NLGN1: variants seen among roughly 807,000 people sequenced by gnomAD.
NLGN1 encodes the protein neuroligin 1.
NLGN1 carries 12 observed loss-of-function variants against 65.5 expected under a neutral mutation model. The observed-to-expected ratio is 0.18, with a 90% CI of 0.12 to 0.30. NLGN1 has a LOEUF of 0.30. Ranked by LOEUF, NLGN1 falls within the 10% of genes least tolerant of loss-of-function variation. NLGN1 has a pLI of 1.00. For missense variants in NLGN1, 750 were observed against 1,007.1 expected (o/e 0.74, Z 3.46); for synonymous variants, 350 against 359.5 (o/e 0.97, Z 0.30).
chr3:173,638,180 G>A (rs73174601), intron 3 of NLGN1, among the ~76,000 whole-genome samples: 15,184 of 151,046 alleles, frequency 0.1, 787 homozygotes, highest in Middle Eastern at 0.25. Context: ...ATAGGGGAAT[G>A]CATTTGTTAG....
At chr3:174,206,283 G>T (rs1269692505) in intron 4 of NLGN1, among the ~76,000 whole-genome samples, 8 of 152,114 alleles carry the variant, frequency 5.3e-5, no homozygotes, top group African/African-American at 1.9e-4. Context: ...TCCTCTGCAT[G>T]CAGTGACAGG....
chr3:173,879,632 C>CTG (rs200099305), intron 4 of NLGN1, among the ~76,000 whole-genome samples: 1 of 144,352 alleles, frequency 6.9e-6, no homozygotes, highest in East Asian at 2.4e-4. Context: ...TGACTTTTTT[C>CTG]TGTGTGTTTT....
chr3:173,685,030 C>T (rs1261539273), intron 3 of NLGN1, among the ~76,000 whole-genome samples: 1 of 152,038 alleles, frequency 6.6e-6, no homozygotes, highest in Non-Finnish European at 1.5e-5. Context: ...CCTCTATGCC[C>T]GGTATGGCAC....
At chr3:173,437,620 T>G (rs1463543187) in intron 2 of NLGN1, among the ~76,000 whole-genome samples, 1 of 152,184 alleles carries the variant, frequency 6.6e-6, no homozygotes, top group Non-Finnish European at 1.5e-5. Flanking sequence ...CTTGATTTCC[T>G]CTCATTTGAC....
At chr3:173,748,792 C>A (rs909084961) in intron 3 of NLGN1, among the ~76,000 whole-genome samples, 2 of 152,066 alleles carry the variant, frequency 1.3e-5, no homozygotes, top group African/African-American at 2.4e-5. Context: ...TATCTGAAAG[C>A]TACATTTGTA....
intron 2 of NLGN1, among the ~76,000 whole-genome samples, chr3:173,526,327 C>CT (rs138736270): frequency 0.084 from 12,588 of 150,316 alleles, 1,642 homozygotes; most frequent in African/African-American, 0.29. Flanking sequence ...CTTTCCTTGT[C>CT]TTTTTTTTTA....
chr3:173,475,580 TG>T (rs1726055923), intron 2 of NLGN1, among the ~76,000 whole-genome samples: 1 of 152,180 alleles, frequency 6.6e-6, no homozygotes, highest in African/African-American at 2.4e-5. Flanking sequence ...CAAACCTTTT[TG>T]GGAGCAAATA....
At chr3:173,535,394 A>C (rs1163270647) in intron 2 of NLGN1, among the ~76,000 whole-genome samples, 1 of 152,362 alleles carries the variant, frequency 6.6e-6, no homozygotes, top group African/African-American at 2.4e-5. Flanking sequence ...CTACGTGATA[A>C]GTTTTGCTTT....
At chr3:174,227,913 T>A (rs929805669) in intron 4 of NLGN1, among the ~76,000 whole-genome samples, 1 of 152,092 alleles carries the variant, frequency 6.6e-6, no homozygotes, top group Non-Finnish European at 1.5e-5. Context: ...ATTTGGCCAC[T>A]GTATGAGCAT....
intron 4 of NLGN1, among the ~76,000 whole-genome samples, chr3:173,876,568 G>A (rs769386285): frequency 3.3e-5 from 5 of 152,180 alleles, no homozygotes; most frequent in African/African-American, 1.2e-4. Context: ...GGTTTTAAAA[G>A]CTATTCTATG....
Position 174,023,035 on chromosome 3 carries a change from TA to T in NLGN1, c.646+215209del, listed in dbSNP as rs533804597. Among the ~76,000 whole-genome samples, 578 of 152,202 alleles carry T rather than the reference TA, an allele frequency of 3.8e-3. 4 individuals are homozygous for T. Among genetic ancestry groups the T allele is most frequent in the African/African-American group, 0.013 (538 of 41,520 alleles). On this transcript the variant is annotated intron_variant, in intron 4 of 6. Coordinates refer to ENST00000457714, the Ensembl canonical transcript of NLGN1. ...TACCTAGAAAGAAGCTTTATTGATATAAAAAATTAGCAGAGGCGATAGCATT... is the reference window on the plus strand; with the variant it reads ...TACCTAGAAAGAAGCTTTATTGATATAAAAATTAGCAGAGGCGATAGCATT...
At chr3:174,292,705 T>A in the NLGN1 span, among the ~76,000 whole-genome samples, 3 of 151,476 alleles carry the variant, frequency 2.0e-5, no homozygotes, top group African/African-American at 7.3e-5. Flanking sequence ...AAGAAGGAAT[T>A]GTTGTATTAT....
intron 3 of NLGN1, among the ~76,000 whole-genome samples, chr3:173,682,987 G>A (rs1764166437): frequency 6.6e-6 from 1 of 152,180 alleles, no homozygotes; most frequent in African/African-American, 2.4e-5. Flanking sequence ...AAATTGTCAT[G>A]TAAGTTGCTG....
intron 3 of NLGN1, among the ~76,000 whole-genome samples, chr3:173,755,881 T>TTA (rs1030280732): frequency 1.3e-5 from 2 of 152,124 alleles, no homozygotes; most frequent in Non-Finnish European, 2.9e-5. Flanking sequence ...TTCTACTGAC[T>TTA]TATACTTTAA....
intron 4 of NLGN1, among the ~76,000 whole-genome samples, chr3:174,119,957 A>G (rs1293206678): frequency 6.6e-6 from 1 of 152,236 alleles, no homozygotes; most frequent in Non-Finnish European, 1.5e-5. Context: ...CTTTTAAATA[A>G]TAGCTATATT....
At chr3:174,078,401 G>T (rs189934511) in intron 4 of NLGN1, among the ~76,000 whole-genome samples, 2 of 152,104 alleles carry the variant, frequency 1.3e-5, no homozygotes, top group African/African-American at 2.4e-5. Flanking sequence ...CCATTGGAAG[G>T]GTTCTAGGCA....
chr3:173,996,748 G>A (rs750263353), intron 4 of NLGN1, among the ~76,000 whole-genome samples: 2 of 152,114 alleles, frequency 1.3e-5, no homozygotes, highest in Non-Finnish European at 2.9e-5. Context: ...GTAAACAAGG[G>A]ATCACTCTGA....
intron 3 of NLGN1, among the ~76,000 whole-genome samples, chr3:173,765,813 T>A (rs1345442548): frequency 6.6e-6 from 1 of 152,176 alleles, no homozygotes; most frequent in Non-Finnish European, 1.5e-5. Context: ...GACTGCCATT[T>A]CCATTCTGCT....
intron 4 of NLGN1, among the ~76,000 whole-genome samples, chr3:174,191,881 C>T (rs953504347): frequency 2.0e-5 from 3 of 152,056 alleles, no homozygotes; most frequent in Admixed American, 2.0e-4. Flanking sequence ...GAGCTTTGCA[C>T]CTATCTATGA....
Sources: gnomAD v4.1 joint callset for allele counts (sites outside exome capture counted in the v4.1 genomes callset) on GRCh38, gnomAD v4.1.1 for gene constraint, MANE v1.5 for transcripts, NCBI Gene and HGNC (gene_info 2026-07-23, HGNC 2026-07-21) for gene names.